Variants in MYO10 observed in about 807,000 individuals in gnomAD.
MYO10 encodes unconventional myosin-X.
A neutral mutation model predicts 257.3 loss-of-function variants in MYO10; 133 were observed. The observed-to-expected ratio is 0.52, with a 90% CI of 0.45 to 0.60. MYO10 has a LOEUF of 0.60. Ranked by LOEUF, MYO10 falls within the 20% of genes least tolerant of loss-of-function variation. MYO10 has a pLI of 0.00. For missense variants in MYO10, 2,399 were observed against 2,635.7 expected, an observed-to-expected ratio of 0.91 and a Z score of 1.97; for synonymous variants, 1,104 against 1,028.6, an observed-to-expected ratio of 1.07 and a Z score of -1.40.
At chr5:16,758,276 A>AG (rs764346303) in intron 17 of MYO10, 50 bp from the exon 18 acceptor site, 2 of 1,258,104 alleles carry the variant, frequency 1.6e-6, no homozygotes, top group Admixed American at 1.7e-5. Context: ...ACCCATTATT[A>AG]GGTGCAAGAT....
chr5:16,747,872 T>C (rs112589694), intron 19 of MYO10, among the ~76,000 whole-genome samples: 12,537 of 129,688 alleles, frequency 0.097, 756 homozygotes, highest in Admixed American at 0.16. Context: ...TGAGCCGAGA[T>C]CGTGCCACTG....
chr5:16,846,592 C>A (rs1234182738), intron 2 of MYO10, among the ~76,000 whole-genome samples: 1 of 152,188 alleles, frequency 6.6e-6, no homozygotes, highest in Non-Finnish European at 1.5e-5. Context: ...AGGGTGGCCA[C>A]AAACAGGTCC....
intron 2 of MYO10, among the ~76,000 whole-genome samples, chr5:16,840,835 T>A (rs536406485): frequency 4.7e-4 from 71 of 152,048 alleles, no homozygotes; most frequent in African/African-American, 1.6e-3. Context: ...ATCTTTAAAA[T>A]TTTTTTTAAA....
rs551954452 is a variant in MYO10, at chr5:16,848,401, C to T, written c.120+29208G>A. On this transcript the variant is annotated intron_variant, in intron 2 of 40. Transcript: ENST00000513610. The stretch of plus-strand genomic sequence containing the variant: ...TCTTGAACTCCTGACTTGAGGTGAT[C>T]CGCCTGCTTCGGCCTCCCAAAGGGC... Among the ~76,000 whole-genome samples the T allele has an allele frequency of 5.9e-4, 90 of 152,182 alleles. 1 individual carries two copies. Among genetic ancestry groups the T allele is most frequent in the Middle Eastern group, 3.4e-3 (1 of 292 alleles).
intron 17 of MYO10, 85 bp downstream of exon 17, chr5:16,761,379 A>AT: frequency 9.2e-7 from 1 of 1,082,106 alleles, no homozygotes; most frequent in Non-Finnish European, 1.4e-6. Flanking sequence ...CATAACAGCA[A>AT]TTTGTTCTAT....
Position 16,694,415 on chromosome 5 carries a change from G to T in MYO10, c.3756C>A (p.Asp1252Glu). The T allele has an allele frequency of 6.2e-7, 1 of 1,614,034 alleles. No homozygotes were observed. The highest frequency in any genetic ancestry group is 8.5e-7 in the Non-Finnish European group (1 of 1,179,902). Residue 1252 changes from aspartate (D) to glutamate (E), a missense_variant, in exon 27 of 41, where the codon GAC (aspartate) becomes GAA (glutamate). Physicochemically the swap from Asp to Glu is conservative, Grantham distance 45. Coordinates refer to ENST00000513610, the MANE Select transcript of MYO10 (RefSeq NM_012334.3). ...RQSKLMYFEN[D>E]SEEKLKGTVE... ...CGGTGCCCTTGAGCTTCTCCTCGCTGTCGTTTTCAAAGTACATCAGCTTGG... is the reference window on the plus strand; with the variant it reads ...CGGTGCCCTTGAGCTTCTCCTCGCTTTCGTTTTCAAAGTACATCAGCTTGG...
chr5:16,711,196 G>A lies in MYO10; in HGVS notation c.1979C>T (p.Ser660Leu). The change falls in exon 20 of 41, where the codon TCA (serine) becomes TTA (leucine). Residue 660 changes from serine (S) to leucine (L), a missense_variant. Physicochemically the swap from Ser to Leu is moderately radical, Grantham distance 145. Coordinates refer to ENST00000513610, the MANE Select transcript of MYO10 (RefSeq NM_012334.3). ...QAVVLNQLRY[S>L]GMLETVRIRK... The stretch of plus-strand genomic sequence containing the variant: ...GATTCTCACAGTCTCCAGCATCCCT[G>A]AGTACCGCAGCTGGTTCAGCACAAC... 1.2e-5 allele frequency: 19 copies of A among 1,613,408 alleles called. No homozygotes were observed. Among genetic ancestry groups the A allele is most frequent in the Non-Finnish European group, 1.6e-5 (19 of 1,179,686 alleles).
intron 33 of MYO10, among the ~76,000 whole-genome samples, chr5:16,676,467 C>T (rs1579801789): frequency 1.3e-5 from 2 of 152,104 alleles, no homozygotes; most frequent in African/African-American, 4.8e-5. Flanking sequence ...CTGTAATCCC[C>T]GCATTTTGGG....
chr5:16,865,985 G>GT (rs1242719104), intron 2 of MYO10, among the ~76,000 whole-genome samples: 2 of 145,114 alleles, frequency 1.4e-5, no homozygotes, highest in African/African-American at 2.6e-5. Flanking sequence ...AAATTAAATG[G>GT]TAAGTTTTAT....
At chr5:16,770,381 G>A (rs532448691) in intron 9 of MYO10, among the ~76,000 whole-genome samples, 4 of 152,258 alleles carry the variant, frequency 2.6e-5, no homozygotes, top group East Asian at 3.9e-4. Flanking sequence ...AGGATACTAA[G>A]TGGAAGTTAA....
At chr5:16,818,392 G>GTATATA (rs1561000796) in intron 2 of MYO10, among the ~76,000 whole-genome samples, 4 of 104,990 alleles carry the variant, frequency 3.8e-5, no homozygotes, top group African/African-American at 1.4e-4. Flanking sequence ...GTGTGTGTGT[G>GTATATA]TGTGTGTGTG....
At chr5:16,907,257 G>C (rs1049417205) in intron 1 of MYO10, among the ~76,000 whole-genome samples, 5 of 151,972 alleles carry the variant, frequency 3.3e-5, no homozygotes, top group African/African-American at 1.2e-4. Flanking sequence ...TTAAATGTTG[G>C]AGCCAGGATT....
chr5:16,796,474 A>AAAGAAAAGAAAGAAAG (rs1276170429), intron 3 of MYO10, among the ~76,000 whole-genome samples: 1 of 130,018 alleles, frequency 7.7e-6, no homozygotes, highest in East Asian at 2.6e-4. Context: ...GAAAGAAAAG[A>AAAGAAAAGAAAGAAAG]AAAGAAAAGA....
chr5:16,726,052 C>G (rs1370088871), intron 19 of MYO10, among the ~76,000 whole-genome samples: 3 of 152,296 alleles, frequency 2.0e-5, no homozygotes, highest in Non-Finnish European at 2.9e-5. Flanking sequence ...TCCCAAAGTG[C>G]TGGGATTACA....
At position 16,796,216 on chromosome 5, in the gene MYO10, A is replaced by AGCGAGC. The variant is rs371567809; in HGVS notation, c.280-1384_280-1383insGCTCGC. ...AAAAAAAAAAAAAGAAAGAACAGAGAGAGAGCGAGAAAGAGAAAGAGCGAG... is the reference window on the plus strand; with the variant it reads ...AAAAAAAAAAAAAGAAAGAACAGAGAGCGAGCGAGAGCGAGAAAGAGAAAGAGCGAG... On this transcript the variant is annotated intron_variant, in intron 3 of 40. Transcript: ENST00000513610. Among the ~76,000 whole-genome samples the AGCGAGC allele has an allele frequency of 2.5e-5, 3 of 119,876 alleles. 1 individual carries two copies. Among genetic ancestry groups the AGCGAGC allele is most frequent in the Non-Finnish European group, 5.2e-5 (3 of 57,476 alleles). The allele number at this position is 119,876 out of a possible 152,430, so 78.6% of individuals were successfully genotyped here.
intron 1 of MYO10, chr5:16,902,320 G>C (rs753539809): frequency 2.2e-6 from 2 of 911,514 alleles, no homozygotes; most frequent in African/African-American, 3.2e-5. Flanking sequence ...AGGGGACATG[G>C]GGCAGCACCC....
intron 1 of MYO10, among the ~76,000 whole-genome samples, chr5:16,897,112 C>CT (rs1187617527): frequency 3.9e-5 from 6 of 152,232 alleles, no homozygotes; most frequent in African/African-American, 1.4e-4. Context: ...CTGGTATATA[C>CT]ACCTCTGTGG....
chr5:16,886,965 A>C (rs1744915298), intron 1 of MYO10, among the ~76,000 whole-genome samples: 1 of 152,124 alleles, frequency 6.6e-6, no homozygotes, highest in South Asian at 2.1e-4. Flanking sequence ...CAAAAACAAA[A>C]AAACACTATT....
chr5:16,759,735 G>T (rs372348730), intron 17 of MYO10, among the ~76,000 whole-genome samples: 131 of 152,208 alleles, frequency 8.6e-4, no homozygotes, highest in African/African-American at 3.0e-3. Context: ...TAAACGTATC[G>T]CATTAAACTA....
Sources: allele counts gnomAD v4.1 joint callset (sites outside exome capture counted in the v4.1 genomes callset), GRCh38; gene constraint gnomAD v4.1.1; transcripts MANE v1.5; gene names NCBI Gene and HGNC (gene_info 2026-07-23, HGNC 2026-07-21).